The following CCDC149 variants were observed in gnomAD, a reference collection of about 807,000 sequenced individuals.
CCDC149 encodes coiled-coil domain containing 149, also known as coiled-coil domain-containing protein 149.
CCDC149 carries 45 observed loss-of-function variants against 59.9 expected under a neutral mutation model. The ratio of observed to expected loss-of-function variants is 0.75; its 90% CI spans 0.59 to 0.96. The LOEUF (loss-of-function observed/expected upper bound fraction) is 0.96, where lower values mean the gene tolerates loss of function less well. Among genes scored for constraint, CCDC149 ranks in the 40% least tolerant of loss-of-function variants. The pLI is 0.00. For synonymous variants in CCDC149, 245 were observed against 260.6 expected (o/e 0.94, Z 0.58); for missense variants, 584 against 664.7 (o/e 0.88, Z 1.33).
At chr4:24,895,235 G>A in intron 1 of CCDC149, 1 of 594,260 alleles carries the variant, frequency 1.7e-6, no homozygotes, top group Non-Finnish European at 3.0e-6. Flanking sequence ...AAGCCTTCTG[G>A]GGAGCTGGGG....
At chr4:24,843,262 C>T (rs1314202073) in intron 4 of CCDC149, among the ~76,000 whole-genome samples, 1 of 152,204 alleles carries the variant, frequency 6.6e-6, no homozygotes, top group Non-Finnish European at 1.5e-5. Flanking sequence ...ATGAAAGAAT[C>T]ATTAACAGGA....
chr4:24,919,826 A>G (rs1182081955), intron 1 of CCDC149, among the ~76,000 whole-genome samples: 1 of 152,214 alleles, frequency 6.6e-6, no homozygotes, highest in East Asian at 1.9e-4. Context: ...TTAATTTTAC[A>G]TTTGGGTGAG....
chr4:24,923,260 C>G (rs1283421504), intron 1 of CCDC149, among the ~76,000 whole-genome samples: 1 of 152,160 alleles, frequency 6.6e-6, no homozygotes, highest in East Asian at 1.9e-4. Context: ...AAACCTTGGT[C>G]AGCTATCTTA....
At position 24,912,706 on chromosome 4, in the gene CCDC149, A is replaced by G. The variant is rs1038175047; in HGVS notation, c.63+111T>C. The stretch of plus-strand genomic sequence containing the variant: ...GGGTGCGGCAGCCGCGGCCACTTGG[A>G]GTGCGCGCCCCCCTCTCGTCCCTCC... On this transcript the variant is annotated intron_variant, in intron 1 of 12. Transcript: ENST00000635206. 709 of 718,616 alleles carry G rather than the reference A, an allele frequency of 9.9e-4. 3 individuals are homozygous for G. The African/African-American group carries it at 0.013, about 13-fold the overall frequency. 44.5% of individuals were successfully genotyped at this position (718,616 alleles called of 1,614,324 possible). A position where few individuals can be genotyped will look rare whatever the true frequency, so the allele number is the denominator to read the frequency against.
intron 7 of CCDC149, among the ~76,000 whole-genome samples, chr4:24,835,379 T>C (rs1273365472): frequency 6.6e-6 from 1 of 152,060 alleles, no homozygotes; most frequent in African/African-American, 2.4e-5. Context: ...TGAATAGACA[T>C]GAGATGGTGA....
At chr4:24,910,503 C>G (rs1721813023) in intron 1 of CCDC149, among the ~76,000 whole-genome samples, 1 of 151,958 alleles carries the variant, frequency 6.6e-6, no homozygotes, top group Non-Finnish European at 1.5e-5. Flanking sequence ...TGGGAGAGAC[C>G]CATAAACTTG....
At chr4:24,934,972 GAA>G (rs2109344344) in intron 1 of CCDC149, among the ~76,000 whole-genome samples, 1 of 152,306 alleles carries the variant, frequency 6.6e-6, no homozygotes, top group African/African-American at 2.4e-5. Context: ...ACCTCTCATA[GAA>G]GAGTAACATG....
chr4:24,878,907 C>T (rs544890795), intron 1 of CCDC149, among the ~76,000 whole-genome samples: 2 of 152,266 alleles, frequency 1.3e-5, no homozygotes, highest in East Asian at 3.9e-4. Flanking sequence ...TCACAAGGCA[C>T]GGTCCAAATA....
At chr4:24,810,457 T>C (rs1714527095) in intron 12 of CCDC149, among the ~76,000 whole-genome samples, 1 of 152,176 alleles carries the variant, frequency 6.6e-6, no homozygotes, top group African/African-American at 2.4e-5. Flanking sequence ...AGTCCAGGAC[T>C]CCTGGACCCC....
At chr4:24,820,547 A>G (rs909612965) in intron 11 of CCDC149, among the ~76,000 whole-genome samples, 4 of 152,180 alleles carry the variant, frequency 2.6e-5, no homozygotes, top group Admixed American at 1.3e-4. Context: ...GAGGAGGAGA[A>G]AAATAATGTA....
At chr4:24,877,782 C>T (rs1344361122) in intron 1 of CCDC149, among the ~76,000 whole-genome samples, 2 of 152,260 alleles carry the variant, frequency 1.3e-5, no homozygotes, top group East Asian at 3.9e-4. Context: ...TTTCTTCATC[C>T]TTCCCTCTGC....
intron 3 of CCDC149, among the ~76,000 whole-genome samples, chr4:24,866,910 T>A (rs986782064): frequency 6.6e-6 from 1 of 151,800 alleles, no homozygotes; most frequent in Non-Finnish European, 1.5e-5. Flanking sequence ...CTAGCTCAAT[T>A]TCTGGTTCTC....
At chr4:24,976,361 G>A (rs1307840801) in intron 1 of CCDC149, among the ~76,000 whole-genome samples, 1 of 152,136 alleles carries the variant, frequency 6.6e-6, no homozygotes, top group Non-Finnish European at 1.5e-5. Flanking sequence ...CTGTGTCAGG[G>A]TGAAGGGCTG....
At chr4:24,826,626 G>A (rs997757417) in intron 9 of CCDC149, among the ~76,000 whole-genome samples, 1 of 152,220 alleles carries the variant, frequency 6.6e-6, no homozygotes, top group Non-Finnish European at 1.5e-5. Context: ...CCAGGACAAT[G>A]TGCCACCTTG....
At chr4:24,937,951 G>A (rs1254711233) in intron 1 of CCDC149, among the ~76,000 whole-genome samples, 1 of 152,146 alleles carries the variant, frequency 6.6e-6, no homozygotes. Flanking sequence ...GTGGTGGGCT[G>A]GGGGTGCAGA....
At chr4:24,879,042 C>A (rs964078221) in intron 1 of CCDC149, among the ~76,000 whole-genome samples, 6 of 152,198 alleles carry the variant, frequency 3.9e-5, no homozygotes, top group Admixed American at 6.5e-5. Context: ...AGAGCAGAAG[C>A]TCTGTAGGTC....
At chr4:24,956,494 C>T (rs6448319) in intron 1 of CCDC149, among the ~76,000 whole-genome samples, 114,566 of 151,916 alleles carry the variant, frequency 0.75, 43,420 homozygotes, top group African/African-American at 0.79. Context: ...TAGTGATCCA[C>T]TACCTCAGCT....
At chr4:24,830,805 CAG>C (rs1716094535) in intron 9 of CCDC149, 4 of 152,220 alleles carry the variant, frequency 2.6e-5, no homozygotes, top group African/African-American at 9.6e-5. Context: ...AGTGGAAGAT[CAG>C]ACCTAATGTG....
At chr4:24,881,671 T>C (rs542217728) in intron 1 of CCDC149, among the ~76,000 whole-genome samples, 1 of 152,366 alleles carries the variant, frequency 6.6e-6, no homozygotes, top group Admixed American at 6.5e-5. Context: ...AGAAAAGTTA[T>C]ACTTGCCCCT....
Sources: gnomAD v4.1 joint callset for allele counts (sites outside exome capture counted in the v4.1 genomes callset) on GRCh38, gnomAD v4.1.1 for gene constraint, MANE v1.5 for transcripts, NCBI Gene and HGNC (gene_info 2026-07-23, HGNC 2026-07-21) for gene names.